Variants in TRPM3 observed in about 807,000 individuals in gnomAD.
The protein encoded by TRPM3 is long transient receptor potential channel 3.
In TRPM3, 77 loss-of-function variants were observed where a neutral mutation model predicts 181.2. That is an observed-to-expected ratio of 0.42 (90% CI 0.35 to 0.51). The LOEUF is 0.51. TRPM3 is among the 20% of genes least tolerant of loss of function. TRPM3 has a pLI of 0.01. For missense variants in TRPM3, 1,759 were observed against 2,196.7 expected (o/e 0.80, Z 3.98); for synonymous variants, 745 against 796.4 (o/e 0.94, Z 1.09).
chr9:71,386,274 C>T (rs1348831156), intron 1 of TRPM3, among the ~76,000 whole-genome samples: 1 of 151,650 alleles, frequency 6.6e-6, no homozygotes, highest in Non-Finnish European at 1.5e-5. Flanking sequence ...CATGGTGAAA[C>T]CCCATCTCTA....
At chr9:71,396,275 A>G (rs2093189437) in intron 1 of TRPM3, among the ~76,000 whole-genome samples, 1 of 148,270 alleles carries the variant, frequency 6.7e-6, no homozygotes, top group South Asian at 2.2e-4. Flanking sequence ...AGAACAAAAA[A>G]CAAACAAACA....
intron 1 of TRPM3, among the ~76,000 whole-genome samples, chr9:71,187,876 A>G (rs1410396147): frequency 6.7e-6 from 1 of 150,278 alleles, no homozygotes; most frequent in African/African-American, 2.5e-5. Context: ...TTCAAGACAG[A>G]CAGGCAGACA....
intron 5 of TRPM3, among the ~76,000 whole-genome samples, chr9:70,837,313 T>C (rs1378185738): frequency 6.6e-6 from 1 of 152,168 alleles, no homozygotes; most frequent in Non-Finnish European, 1.5e-5. Context: ...AACATAAAGA[T>C]GGCATCAAAA....
At chr9:71,056,392 G>C (rs1245111275) in intron 1 of TRPM3, among the ~76,000 whole-genome samples, 1 of 151,910 alleles carries the variant, frequency 6.6e-6, no homozygotes, top group Non-Finnish European at 1.5e-5. Flanking sequence ...CAGAGATATG[G>C]ATAATGAGAC....
chr9:70,559,025 T>C (rs1316885266), intron 22 of TRPM3, among the ~76,000 whole-genome samples: 2 of 152,208 alleles, frequency 1.3e-5, no homozygotes, highest in Non-Finnish European at 2.9e-5. Context: ...GCCCTCCCTA[T>C]AGATGTTGTG....
intron 1 of TRPM3, among the ~76,000 whole-genome samples, chr9:71,016,784 G>T (rs1321459960): frequency 6.6e-6 from 1 of 151,916 alleles, no homozygotes; most frequent in Non-Finnish European, 1.5e-5. Context: ...ACGTGGAATT[G>T]GTAATTCTAT....
At chr9:70,621,329 A>T in intron 14 of TRPM3, 56 bp from the exon 15 acceptor site, 2 of 1,303,242 alleles carry the variant, frequency 1.5e-6, no homozygotes, top group Non-Finnish European at 2.1e-6. Flanking sequence ...TCTTTCATAA[A>T]GGTAAGAAGA....
At chr9:70,588,937 A>T (rs898505133) in intron 22 of TRPM3, among the ~76,000 whole-genome samples, 2 of 152,244 alleles carry the variant, frequency 1.3e-5, no homozygotes, top group Non-Finnish European at 2.9e-5. Context: ...ACTCACTAGC[A>T]CTAGACAGAA....
At chr9:70,743,668 T>C (rs2074577367) in intron 8 of TRPM3, among the ~76,000 whole-genome samples, 1 of 152,000 alleles carries the variant, frequency 6.6e-6, no homozygotes, top group South Asian at 2.1e-4. Flanking sequence ...GGATGGGTAG[T>C]TTAGGCAGGC....
Position 71,133,439 on chromosome 9 carries a change from A to G in TRPM3, c.184-268928T>C, listed in dbSNP as rs1454713750. 3.3e-5 allele frequency among the ~76,000 whole-genome samples: 5 copies of G among 151,972 alleles called. No homozygotes were observed. In the East Asian group the frequency reaches 9.7e-4, roughly 29 times the overall value. On this transcript the variant is annotated intron_variant, in intron 1 of 24. Transcript: ENST00000357533. ...CCTCCCCTCCCGAGTAGCTGGAATT[A>G]CAGGCATGTGCCACCACACCCAGCT...
intron 1 of TRPM3, among the ~76,000 whole-genome samples, chr9:71,435,677 T>C (rs952666791): frequency 6.6e-6 from 1 of 152,156 alleles, no homozygotes; most frequent in African/African-American, 2.4e-5. Flanking sequence ...AAAAGTAATA[T>C]CTCAATGCCT....
At chr9:70,880,336 T>A (rs2132681788) in intron 1 of TRPM3, among the ~76,000 whole-genome samples, 1 of 152,246 alleles carries the variant, frequency 6.6e-6, no homozygotes, top group South Asian at 2.1e-4. Context: ...TTGCTCAAGA[T>A]TTTTTAAGCC....
At chr9:70,863,951 A>C (rs1215704084) in intron 2 of TRPM3, among the ~76,000 whole-genome samples, 1 of 152,072 alleles carries the variant, frequency 6.6e-6, no homozygotes, top group African/African-American at 2.4e-5. Context: ...ACTTTATCCC[A>C]AATGCTTCTT....
At chr9:70,639,622 G>A (rs775231408) in intron 10 of TRPM3, among the ~76,000 whole-genome samples, 1 of 152,172 alleles carries the variant, frequency 6.6e-6, no homozygotes, top group Non-Finnish European at 1.5e-5. Flanking sequence ...AGGGACCCAA[G>A]TCAACAGACC....
At chr9:70,980,067 G>GCGTGCACACACACACACACACA (rs142852346) in intron 1 of TRPM3, among the ~76,000 whole-genome samples, 1 of 137,888 alleles carries the variant, frequency 7.3e-6, no homozygotes, top group Non-Finnish European at 1.5e-5. Flanking sequence ...GCATGTGCGT[G>GCGTGCACACACACACACACACA]CACACACACA....
At chr9:71,288,512 A>T (rs1302532176) in intron 1 of TRPM3, among the ~76,000 whole-genome samples, 1 of 152,218 alleles carries the variant, frequency 6.6e-6, no homozygotes, top group Non-Finnish European at 1.5e-5. Flanking sequence ...ATAGCAGACT[A>T]GTTTTACACA....
At chr9:70,617,702 T>C (rs774098563) in intron 17 of TRPM3, among the ~76,000 whole-genome samples, 95 of 152,176 alleles carry the variant, frequency 6.2e-4, no homozygotes, top group Non-Finnish European at 1.1e-3. Flanking sequence ...CAGTGGTTCA[T>C]GCCTGTAATC....
chr9:71,206,704 T>C (rs1265171598), intron 1 of TRPM3, among the ~76,000 whole-genome samples: 1 of 152,142 alleles, frequency 6.6e-6, no homozygotes, highest in African/African-American at 2.4e-5. Flanking sequence ...TCTTCTAGGA[T>C]TTTTATGGTT....
intron 1 of TRPM3, among the ~76,000 whole-genome samples, chr9:71,397,681 A>G (rs763900147): frequency 1.2e-4 from 19 of 152,188 alleles, no homozygotes; most frequent in Non-Finnish European, 2.2e-4. Flanking sequence ...AATTTCAGAT[A>G]AGATTATGCA....
Sources: gnomAD v4.1 joint callset for allele counts (sites outside exome capture counted in the v4.1 genomes callset) on GRCh38, gnomAD v4.1.1 for gene constraint, MANE v1.5 for transcripts, NCBI Gene and HGNC (gene_info 2026-07-23, HGNC 2026-07-21) for gene names.